Variants in ADAP1 observed in about 807,000 individuals in gnomAD.
ADAP1 encodes ArfGAP with dual PH domains 1, also known as arf-GAP with dual PH domain-containing protein 1.
A neutral mutation model predicts 54.9 loss-of-function variants in ADAP1; 31 were observed. That is an observed-to-expected ratio of 0.56 (90% CI 0.42 to 0.76). The LOEUF (loss-of-function observed/expected upper bound fraction) is 0.76. ADAP1 is among the 30% of genes least tolerant of loss of function. ADAP1 has a pLI of 0.00. For missense variants in ADAP1, 535 were observed against 512.4 expected (o/e 1.04, Z -0.42); for synonymous variants, 313 against 202.6 (o/e 1.55, Z -4.63).
chr7:906,238 AAGGAGAAAG>A lies in ADAP1; in HGVS notation c.389-1075_389-1067del, dbSNP rs1583133114. ...GAGAAAGGGAAAGGAGAAAGGGAGA[AAGGAGAAAG>A]GGAGAAAGGAGAAAGGGAGAAAGGA... is the stretch of plus-strand genomic sequence containing the variant. On this transcript the variant is annotated intron_variant, in intron 4 of 10. Transcript: ENST00000265846. 2.7e-4 allele frequency among the ~76,000 whole-genome samples: 2 copies of A among 7,328 alleles called. 1 individual carries two copies. Among genetic ancestry groups the A allele is most frequent in the Non-Finnish European group, 4.2e-4 (2 of 4,712 alleles). The allele number at this position is 7,328 out of a possible 152,430, so 4.8% of individuals were successfully genotyped here. A position where few individuals can be genotyped will look rare whatever the true frequency, so the allele number is the denominator to read the frequency against.
intron 4 of ADAP1, chr7:905,711 GAAAGGAGA>G (rs1562912692): frequency 7.2e-5 from 5 of 69,376 alleles, no homozygotes; most frequent in Non-Finnish European, 1.2e-4. Context: ...GGAGAAAGGA[GAAAGGAGA>G]AAGGGAAAGG....
Position 903,774 on chromosome 7 carries a change from C to G in ADAP1, c.648+352G>C, listed in dbSNP as rs147317245. The stretch of plus-strand genomic sequence containing the variant: ...ACCCCAGTTCCCCCCGAGGTCCCCT[C>G]TGGGCATTGTGGGGGCGGTGGATCC... On this transcript the variant is annotated intron_variant, in intron 6 of 10. Coordinates refer to ENST00000265846, the MANE Select transcript of ADAP1 (RefSeq NM_006869.4). Among the ~76,000 whole-genome samples the G allele has an allele frequency of 6.8e-3, 1,043 of 152,318 alleles. 12 individuals are homozygous for G. The highest frequency in any genetic ancestry group is 7.8e-3 in the Non-Finnish European group (532 of 68,026).
intron 2 of ADAP1, among the ~76,000 whole-genome samples, chr7:932,442 C>T (rs1846615356): frequency 6.6e-6 from 1 of 152,180 alleles, no homozygotes; most frequent in East Asian, 1.9e-4. Context: ...GCCACGTCTT[C>T]TCCCCGAGCC....
intron 4 of ADAP1, among the ~76,000 whole-genome samples, chr7:906,470 GA>G (rs761694664): frequency 4.6e-5 from 5 of 108,940 alleles, no homozygotes; most frequent in South Asian, 8.7e-4. Context: ...AAGGAGAAAG[GA>G]GAAAGGAGAA....
chr7:904,834 C>T (rs557364235), intron 5 of ADAP1, among the ~76,000 whole-genome samples: 116 of 152,356 alleles, frequency 7.6e-4, no homozygotes, highest in South Asian at 1.2e-3. Flanking sequence ...GGGCCCCGCC[C>T]GGCCGCCCAG....
At chr7:907,539 C>T (rs763847589) in intron 4 of ADAP1, among the ~76,000 whole-genome samples, 6 of 152,240 alleles carry the variant, frequency 3.9e-5, no homozygotes, top group Non-Finnish European at 5.9e-5. Context: ...GTCAGTGACC[C>T]ACGTGTGGCC....
intron 4 of ADAP1, among the ~76,000 whole-genome samples, chr7:911,015 T>G (rs4722452): frequency 3.3e-5 from 5 of 152,104 alleles, no homozygotes; most frequent in African/African-American, 4.8e-5. Flanking sequence ...TCTCCCTGCC[T>G]GGCCCGTCCA....
In ADAP1 at chr7:930,198, T is replaced by C. The variant is rs1846525432; in HGVS notation, c.214-3554A>G. ...ACCACAAAATAAAACGCTGACCACT[T>C]TGACTATGTCGAAGTAAAAATTTCC... On this transcript the variant is annotated intron_variant, in intron 2 of 10. Coordinates refer to ENST00000265846, the MANE Select transcript of ADAP1 (RefSeq NM_006869.4). Among the ~76,000 whole-genome samples the C allele has an allele frequency of 2.0e-5, 3 of 150,996 alleles. No individual in the cohort carries two copies. In the South Asian group the frequency reaches 6.3e-4, roughly 32 times the overall value.
chr7:919,569 AGG>A (rs1207097503), intron 4 of ADAP1, among the ~76,000 whole-genome samples: 3 of 147,236 alleles, frequency 2.0e-5, no homozygotes, highest in African/African-American at 7.6e-5. Context: ...AGATAGAGAG[AGG>A]ATGAGATAGA....
chr7:913,266 T>G (rs1296517033), intron 4 of ADAP1, among the ~76,000 whole-genome samples: 4 of 145,662 alleles, frequency 2.7e-5, no homozygotes, highest in Non-Finnish European at 6.0e-5. Flanking sequence ...AGTGGCGTGA[T>G]CTCCACTCAC....
In ADAP1 at chr7:954,558, G is replaced by C. The variant is rs1223969166; in HGVS notation, c.-81C>G. 22 of 989,250 alleles carry C rather than the reference G, an allele frequency of 2.2e-5. No individual in the cohort carries two copies. Among genetic ancestry groups the C allele is most frequent in the Non-Finnish European group, 2.6e-5 (22 of 833,860 alleles). 61.3% of individuals were successfully genotyped at this position (989,250 alleles called of 1,614,324 possible). A position where few individuals can be genotyped will look rare whatever the true frequency, so the allele number is the denominator to read the frequency against. On this transcript the variant is annotated 5_prime_UTR_variant, in exon 1 of 11. Coordinates refer to ENST00000265846, the MANE Select transcript of ADAP1 (RefSeq NM_006869.4). ...GGCTCGCTAGGGCCCCGCGCAGGCC[G>C]CCCGCCGCCGCCGCCCCTGCGCCAT...
rs543597551 is a variant in ADAP1, at chr7:943,938, C to T, written c.83-8433G>A. ...ATTACTATTATTATTATTATTGAGA[C>T]AGGGTCTTGCTCTGTTGCCCAGGCT... On this transcript the variant is annotated intron_variant, in intron 1 of 10. Coordinates refer to ENST00000265846, the MANE Select transcript of ADAP1 (RefSeq NM_006869.4). Among the ~76,000 whole-genome samples the T allele has an allele frequency of 2.0e-5, 3 of 151,152 alleles. No individual in the cohort carries two copies. In the South Asian group the frequency reaches 6.2e-4, roughly 31 times the overall value.
At chr7:899,289 G>A in intron 9 of ADAP1, 28 bp from the exon 10 acceptor site, 2 of 1,611,244 alleles carry the variant, frequency 1.2e-6, no homozygotes, top group African/African-American at 1.3e-5. Flanking sequence ...ACTGGAGGCG[G>A]GGCCATGTCC....
chr7:948,007 T>G (rs1847186282), intron 1 of ADAP1, among the ~76,000 whole-genome samples: 1 of 142,690 alleles, frequency 7.0e-6, no homozygotes, highest in Admixed American at 6.9e-5. Flanking sequence ...CCCCACTCCC[T>G]CTTCCGGAGG....
At chr7:911,298 G>A (rs954612395) in intron 4 of ADAP1, among the ~76,000 whole-genome samples, 1 of 152,096 alleles carries the variant, frequency 6.6e-6, no homozygotes, top group Non-Finnish European at 1.5e-5. Context: ...CAGGCCTGGA[G>A]AGACCCCCCC....
At chr7:921,646 C>T (rs574107987) in intron 3 of ADAP1, among the ~76,000 whole-genome samples, 14 of 152,316 alleles carry the variant, frequency 9.2e-5, no homozygotes, top group African/African-American at 3.1e-4. Context: ...TTCACAGGGG[C>T]GGCGGGTTAG....
intron 2 of ADAP1, among the ~76,000 whole-genome samples, chr7:930,554 C>T (rs1394353972): frequency 6.6e-6 from 1 of 151,508 alleles, no homozygotes; most frequent in Non-Finnish European, 1.5e-5. Context: ...CGCGGTGGCT[C>T]ACGTCTGTAA....
rs566673737 is a variant in ADAP1 at position 907,186 on chromosome 7, C to T, written c.389-2014G>A. The stretch of plus-strand genomic sequence containing the variant: ...TGGCCTCACGCACACCACACACAGC[C>T]ACAGAAAAGTAGCCCGGGCATCCCC... On this transcript the variant is annotated intron_variant, in intron 4 of 10. Coordinates refer to ENST00000265846, the MANE Select transcript of ADAP1 (RefSeq NM_006869.4). Among the ~76,000 whole-genome samples the T allele has an allele frequency of 2.4e-4, 37 of 152,290 alleles. No individual in the cohort carries two copies. The East Asian group carries it at 6.4e-3, about 26-fold the overall frequency.
At chr7:951,996 C>T (rs567218395) in intron 1 of ADAP1, among the ~76,000 whole-genome samples, 6 of 152,292 alleles carry the variant, frequency 3.9e-5, no homozygotes, top group South Asian at 4.1e-4. Context: ...TGGCAGGCAG[C>T]TCCAAGGATG....
Sources: allele counts gnomAD v4.1 joint callset (sites outside exome capture counted in the v4.1 genomes callset), GRCh38; gene constraint gnomAD v4.1.1; transcripts MANE v1.5; gene names NCBI Gene and HGNC (gene_info 2026-07-23, HGNC 2026-07-21).